The following ADAMTSL3 variants were observed in gnomAD, a reference collection of about 807,000 sequenced individuals.
ADAMTSL3 encodes the protein ADAMTS-like protein 3.
A neutral mutation model predicts 201.7 loss-of-function variants in ADAMTSL3; 128 were observed. The observed-to-expected ratio is 0.63, with a 90% CI of 0.55 to 0.73. The LOEUF (loss-of-function observed/expected upper bound fraction) is 0.73, where lower values mean the gene tolerates loss of function less well. Among genes scored for constraint, ADAMTSL3 ranks in the 30% least tolerant of loss-of-function variants. The pLI, the probability that ADAMTSL3 is intolerant of heterozygous loss-of-function variation, is 0.00. For missense variants in ADAMTSL3, 1,990 were observed against 2,119.6 expected, an observed-to-expected ratio of 0.94 and a Z score of 1.20; for synonymous variants, 738 against 748.4, an observed-to-expected ratio of 0.99 and a Z score of 0.23.
chr15:83,875,296 T>C (rs1004860167), intron 9 of ADAMTSL3, among the ~76,000 whole-genome samples: 9 of 152,192 alleles, frequency 5.9e-5, no homozygotes, highest in Admixed American at 1.3e-4. Flanking sequence ...TCATTCATCA[T>C]AGGACTCCAG....
At chr15:83,712,985 C>T (rs1160916862) in intron 3 of ADAMTSL3, among the ~76,000 whole-genome samples, 1 of 152,232 alleles carries the variant, frequency 6.6e-6, no homozygotes, top group Non-Finnish European at 1.5e-5. Context: ...CTTTTAATCT[C>T]TAAGAGACAA....
chr15:83,786,574 C>G (rs923909064), intron 4 of ADAMTSL3, among the ~76,000 whole-genome samples: 1 of 151,838 alleles, frequency 6.6e-6, no homozygotes, highest in Non-Finnish European at 1.5e-5. Context: ...TGTTTTTGTA[C>G]CCAACCTAGT....
chr15:83,771,730 A>C (rs1455236458), intron 3 of ADAMTSL3, among the ~76,000 whole-genome samples: 2 of 152,244 alleles, frequency 1.3e-5, no homozygotes, highest in South Asian at 2.1e-4. Flanking sequence ...TATTGCAAAC[A>C]ATGAGTGTGC....
chr15:83,872,598 C>CCACACACACACACACA (rs149299146), intron 9 of ADAMTSL3, among the ~76,000 whole-genome samples: 29 of 46,492 alleles, frequency 6.2e-4, no homozygotes, highest in Non-Finnish European at 1.0e-3. Flanking sequence ...AAAATATACA[C>CCACACACACACACACA]CACACACACA....
intron 17 of ADAMTSL3, 86 bp downstream of exon 17, chr15:83,924,119 G>T: frequency 6.6e-7 from 1 of 1,520,096 alleles, no homozygotes; most frequent in Non-Finnish European, 8.9e-7. Context: ...GTGCAGACTT[G>T]TGGCTTCACC....
chr15:83,817,049 G>A (rs1212622812), intron 5 of ADAMTSL3, among the ~76,000 whole-genome samples: 1 of 152,306 alleles, frequency 6.6e-6, no homozygotes, highest in African/African-American at 2.4e-5. Context: ...TTCTAGGAGT[G>A]TAACCTGGTT....
chr15:83,831,284 T>C (rs1292299763), intron 6 of ADAMTSL3, among the ~76,000 whole-genome samples: 2 of 152,198 alleles, frequency 1.3e-5, no homozygotes, highest in Non-Finnish European at 1.5e-5. Context: ...ATGTCTTTTT[T>C]TGGGGGGAGT....
At chr15:83,955,436 G>C (rs141574856) in intron 19 of ADAMTSL3, among the ~76,000 whole-genome samples, 189 of 152,220 alleles carry the variant, frequency 1.2e-3, no homozygotes, top group Middle Eastern at 3.4e-3. Context: ...CTGGCCCAGG[G>C]AAGGTGCAGA....
At chr15:83,850,036 T>C (rs1378446811) in intron 7 of ADAMTSL3, among the ~76,000 whole-genome samples, 3 of 152,136 alleles carry the variant, frequency 2.0e-5, no homozygotes, top group Non-Finnish European at 4.4e-5. Flanking sequence ...AAATATACCT[T>C]CTTTTCAAAC....
intron 2 of ADAMTSL3, among the ~76,000 whole-genome samples, chr15:83,668,683 A>G (rs1400799144): frequency 6.6e-6 from 1 of 151,928 alleles, no homozygotes; most frequent in East Asian, 1.9e-4. Context: ...TCCATAATGT[A>G]TTTTTGACTT....
At chr15:83,810,832 G>A (rs1164431113) in intron 5 of ADAMTSL3, among the ~76,000 whole-genome samples, 6 of 152,090 alleles carry the variant, frequency 3.9e-5, no homozygotes, top group African/African-American at 1.2e-4. Context: ...TCTGCCTCCC[G>A]GGTTCAAGCG....
chr15:83,938,759 CT>C (rs909403499), intron 17 of ADAMTSL3, among the ~76,000 whole-genome samples: 1 of 152,100 alleles, frequency 6.6e-6, no homozygotes, highest in Admixed American at 6.5e-5. Context: ...TCATAACTTT[CT>C]TAGTGCTTTA....
intron 4 of ADAMTSL3, among the ~76,000 whole-genome samples, chr15:83,777,003 GC>G (rs1317783999): frequency 6.6e-6 from 1 of 152,208 alleles, no homozygotes; most frequent in Non-Finnish European, 1.5e-5. Flanking sequence ...CACAGAGTCA[GC>G]CAGCATCCCA....
Position 83,750,769 on chromosome 15 carries a change from C to A in ADAMTSL3, c.190-22754C>A, listed in dbSNP as rs889082896. Among the ~76,000 whole-genome samples the A allele has an allele frequency of 2.0e-5, 3 of 152,260 alleles. No homozygotes were observed. In the South Asian group the frequency reaches 6.2e-4, roughly 32 times the overall value. On this transcript the variant is annotated intron_variant, in intron 3 of 29. Transcript: ENST00000286744. ...GTTTCACCATGTTGGCTAGGATGGT[C>A]TCGATCTCTTGACCTCGTGATCTGC...
chr15:83,983,206 CAAT>C lies in ADAMTSL3; in HGVS notation c.3581_3583del (p.Ile1194del). ...CCTCCCTCAATTTCATTTAATAAAA[CAAT>C]AAATTCCAGGATTGGAAATACAGTA... On this transcript the variant is annotated inframe_deletion, in exon 21 of 30. Transcript: ENST00000286744. 4.3e-6 allele frequency: 7 copies of C among 1,613,946 alleles called. No individual in the cohort carries two copies. The highest frequency in any genetic ancestry group is 5.9e-6 in the Non-Finnish European group (7 of 1,179,940).
intron 27 of ADAMTSL3, among the ~76,000 whole-genome samples, chr15:84,026,629 G>C (rs1264382995): frequency 1.3e-5 from 2 of 152,126 alleles, no homozygotes; most frequent in African/African-American, 2.4e-5. Context: ...ATTGAGTCCA[G>C]AGATAAACCC....
At chr15:83,704,971 T>A (rs1037963767) in intron 3 of ADAMTSL3, among the ~76,000 whole-genome samples, 2 of 148,994 alleles carry the variant, frequency 1.3e-5, no homozygotes, top group Non-Finnish European at 3.0e-5. Flanking sequence ...TGTGAGTGTG[T>A]GTGTGTGTGT....
Position 83,940,721 on chromosome 15 carries a change from AG to A in ADAMTSL3, c.2118-1873del, listed in dbSNP as rs553629029. Reference sequence around the variant, plus strand: ...TTATTTAGAATTTATACTTTCATTTAGGATTCAGGATATATAACCACATGCA... The same window carrying A: ...TTATTTAGAATTTATACTTTCATTTAGATTCAGGATATATAACCACATGCA... On this transcript the variant is annotated intron_variant, in intron 17 of 29. Coordinates refer to ENST00000286744, the MANE Select transcript of ADAMTSL3 (RefSeq NM_207517.3). Among the ~76,000 whole-genome samples the A allele has an allele frequency of 1.8e-4, 28 of 152,328 alleles. No homozygotes were observed. The East Asian group carries it at 5.4e-3, about 29-fold the overall frequency.
chr15:83,949,240 A>G (rs926115816), intron 19 of ADAMTSL3, among the ~76,000 whole-genome samples: 1 of 152,086 alleles, frequency 6.6e-6, no homozygotes, highest in Admixed American at 6.6e-5. Context: ...AGCTCCCACA[A>G]ATAAGTGAGA....
Sources: allele counts gnomAD v4.1 joint callset (sites outside exome capture counted in the v4.1 genomes callset), GRCh38; gene constraint gnomAD v4.1.1; transcripts MANE v1.5; gene names NCBI Gene and HGNC (gene_info 2026-07-23, HGNC 2026-07-21).